Variants in PABIR3 observed in about 807,000 individuals in gnomAD.
PABIR3 encodes the protein PABIR family member 1.
PABIR3 carries 20 observed loss-of-function variants against 23.1 expected under a neutral mutation model. The observed-to-expected ratio is 0.86, with a 90% CI of 0.61 to 1.26. The LOEUF is 1.26. Among genes scored for constraint, PABIR3 ranks in the 50% most tolerant of loss-of-function variants. The pLI, the probability that PABIR3 is intolerant of heterozygous loss-of-function variation, is 0.00. For synonymous variants in PABIR3, 69 were observed against 68.5 expected, an observed-to-expected ratio of 1.01 and a Z score of -0.04; for missense variants, 189 against 195.4, an observed-to-expected ratio of 0.97 and a Z score of 0.20.
chrX:134,838,474 C>A (rs1210593535), intron 4 of PABIR3, among the ~76,000 whole-genome samples: 2 of 108,693 alleles, frequency 1.8e-5, no homozygotes, highest in Admixed American at 9.8e-5. Flanking sequence ...CCACCACGCC[C>A]AGCTAATTTT....
chrX:134,807,682 C>CA lies in PABIR3; in HGVS notation c.85dup (p.Ser29LysfsTer11). The CA allele has an allele frequency of 3.3e-6, 4 of 1,203,222 alleles. No homozygotes were observed. Among genetic ancestry groups the CA allele is most frequent in the Non-Finnish European group, 4.5e-6 (4 of 890,374 alleles). Reference sequence around the variant, plus strand: ...ACGGCAACATTCTGAGAAGAGTCAACAGTGCCCCTTTGATCAATGGACTTG... The same window carrying CA: ...ACGGCAACATTCTGAGAAGAGTCAACAAGTGCCCCTTTGATCAATGGACTTG... On this transcript the variant is annotated frameshift_variant, in exon 2 of 11. Coordinates refer to ENST00000645433, the MANE Select transcript of PABIR3 (RefSeq NM_001388447.1). LOFTEE classifies it high-confidence loss of function.
rs182724713 is a variant in PABIR3 at position 134,819,360 on chromosome X, G to A, written c.189+4511G>A. 5.0e-3 allele frequency among the ~76,000 whole-genome samples: 559 copies of A among 111,825 alleles called. 1 individual carries two copies. The highest frequency in any genetic ancestry group is 0.018 in the Middle Eastern group (4 of 218). On this transcript the variant is annotated intron_variant, in intron 3 of 10. Transcript: ENST00000645433. ...CTTATATAACAGATTGTGTTTGGCA[G>A]AATTGAAGTCATTTTAACTTATTGG...
At chrX:134,837,587 A>G (rs989306121) in intron 4 of PABIR3, among the ~76,000 whole-genome samples, 5 of 111,853 alleles carry the variant, frequency 4.5e-5, no homozygotes, top group African/African-American at 1.6e-4. Flanking sequence ...AGTATACTGT[A>G]CTCTGCTTCT....
At chrX:134,820,128 A>G (rs1468010028) in intron 3 of PABIR3, among the ~76,000 whole-genome samples, 3 of 110,900 alleles carry the variant, frequency 2.7e-5, no homozygotes, top group Non-Finnish European at 5.7e-5. Context: ...TTCAAAATCA[A>G]TGGATAGCAA....
At chrX:134,858,633 AG>A (rs999865261), downstream of PABIR3, among the ~76,000 whole-genome samples, 29 of 112,170 alleles carry the variant, frequency 2.6e-4, no homozygotes, top group African/African-American at 8.7e-4. Flanking sequence ...TCTATCATAT[AG>A]GTAGACTTCA....
intron 3 of PABIR3, among the ~76,000 whole-genome samples, chrX:134,821,070 TTA>T (rs1341262941): frequency 4.4e-4 from 42 of 95,156 alleles, no homozygotes; most frequent in Non-Finnish European, 6.2e-4. Context: ...ATATTTTATA[TTA>T]TATGTGTGTG....
chrX:134,828,333 T>C (rs2148249156), intron 3 of PABIR3, among the ~76,000 whole-genome samples: 1 of 110,816 alleles, frequency 9.0e-6, no homozygotes, highest in South Asian at 3.8e-4. Context: ...TCAAGTGATC[T>C]GCCTGCCTTG....
chrX:134,825,107 A>G (rs1409890967), intron 3 of PABIR3, among the ~76,000 whole-genome samples: 1 of 111,785 alleles, frequency 8.9e-6, no homozygotes, highest in Non-Finnish European at 1.9e-5. Context: ...ACTCTTTATA[A>G]TTTCTGTTCA....
At chrX:134,860,917 C>G in the PABIR3 span, among the ~76,000 whole-genome samples, 1 of 111,210 alleles carries the variant, frequency 9.0e-6, no homozygotes, top group African/African-American at 3.3e-5. Context: ...TACAGGTTAC[C>G]AGGGACTAGA....
chrX:134,853,651 G>A (rs1436216497), intron 10 of PABIR3, among the ~76,000 whole-genome samples: 3 of 105,468 alleles, frequency 2.8e-5, no homozygotes, highest in African/African-American at 7.0e-5. Flanking sequence ...ACGGAGTCTC[G>A]CTCTGTCTCC....
At chrX:134,798,651 A>G (rs898460455) in intron 1 of PABIR3, among the ~76,000 whole-genome samples, 19 of 111,803 alleles carry the variant, frequency 1.7e-4, no homozygotes, top group African/African-American at 5.5e-4. Context: ...GACCCCACCT[A>G]TGGTTGTTGG....
At chrX:134,806,217 G>GT (rs941295734), upstream of PABIR3, among the ~76,000 whole-genome samples, 2 of 112,328 alleles carry the variant, frequency 1.8e-5, no homozygotes, top group Admixed American at 1.9e-4. Flanking sequence ...TGAGATATTT[G>GT]TTTTTAAAAA....
intron 4 of PABIR3, among the ~76,000 whole-genome samples, chrX:134,832,738 A>G (rs1331511323): frequency 9.0e-6 from 1 of 110,746 alleles, no homozygotes; most frequent in Non-Finnish European, 1.9e-5. Context: ...ATAGTACTCC[A>G]CTGTTTATAT....
intron 6 of PABIR3, 23 bp from the exon 7 acceptor site, chrX:134,847,360 T>C: frequency 8.8e-7 from 1 of 1,140,586 alleles, no homozygotes. Context: ...GCTACAATTG[T>C]ACACTGCTTT....
At chrX:134,815,099 G>C (rs184692511) in intron 3 of PABIR3, among the ~76,000 whole-genome samples, 2 of 111,698 alleles carry the variant, frequency 1.8e-5, no homozygotes, top group African/African-American at 6.5e-5. Flanking sequence ...ATTGACTACA[G>C]TTATGATTGC....
rs1569448712 is a variant in PABIR3 at position 134,814,786 on chromosome X, G to A, written c.126G>A (p.Val42=). Residue 42 remains valine, a synonymous_variant, in exon 3 of 11, where the codon GTG becomes GTA. Coordinates refer to ENST00000645433, the MANE Select transcript of PABIR3 (RefSeq NM_001388447.1). Reference sequence around the variant, plus strand: ...TTCTTTTTAGTTTTAATTCACAGGTGTTGCAAGCTGACATGTTAAGAATTA... The same window carrying A: ...TTCTTTTTAGTTTTAATTCACAGGTATTGCAAGCTGACATGTTAAGAATTA... The part of the protein sequence containing the change: ...LINGLGFNSQ[V]LQADMLRIRT... 1 of 1,191,846 alleles carries A rather than the reference G, an allele frequency of 8.4e-7. No individual in the cohort carries two copies. The highest frequency in any genetic ancestry group is 1.1e-6 in the Non-Finnish European group (1 of 885,403).
chrX:134,817,955 T>C (rs980280551), intron 3 of PABIR3, among the ~76,000 whole-genome samples: 1 of 111,231 alleles, frequency 9.0e-6, no homozygotes, highest in African/African-American at 3.3e-5. Context: ...GAGCTGATGG[T>C]AGCTTGGACT....
chrX:134,809,167 CT>C (rs762558459), intron 2 of PABIR3: 4,275 of 121,376 alleles, frequency 0.035, no homozygotes, highest in South Asian at 0.071. Context: ...ATCTTGTTTC[CT>C]TTTTTTTTTT....
intron 1 of PABIR3, chrX:134,800,011 G>A (rs2080020245): frequency 9.2e-6 from 1 of 108,745 alleles, no homozygotes; most frequent in Non-Finnish European, 1.9e-5. Flanking sequence ...CTTCCTTACC[G>A]GCCGGATGCA....
Sources: allele counts gnomAD v4.1 joint callset (sites outside exome capture counted in the v4.1 genomes callset), GRCh38; gene constraint gnomAD v4.1.1; transcripts MANE v1.5; gene names NCBI Gene and HGNC (gene_info 2026-07-23, HGNC 2026-07-21).